The following OVCH1 variants were observed in gnomAD, a reference collection of about 807,000 sequenced individuals.
OVCH1 encodes ovochymase 1.
A neutral mutation model predicts 138.4 loss-of-function variants in OVCH1; 139 were observed. The observed-to-expected ratio is 1.00, with a 90% CI of 0.87 to 1.16. The LOEUF is 1.16. Ranked by LOEUF, OVCH1 falls within the 50% of genes most tolerant of loss-of-function variation. The pLI, the probability that OVCH1 is intolerant of heterozygous loss-of-function variation, is 0.00. For synonymous variants in OVCH1, 453 were observed against 467.8 expected (o/e 0.97, Z 0.41); for missense variants, 1,367 against 1,357.9 (o/e 1.01, Z -0.11).
chr12:29,429,421 G>A (rs1340048515), intron 27 of OVCH1, among the ~76,000 whole-genome samples: 1 of 152,174 alleles, frequency 6.6e-6, no homozygotes, highest in Non-Finnish European at 1.5e-5. Context: ...AGGATCTGAT[G>A]AGAAATCACT....
exon 8 of OVCH1, chr12:29,486,255 C>A: frequency 6.2e-7 from 1 of 1,612,110 alleles, no homozygotes; most frequent in South Asian, 1.1e-5. Context: ...CATACCCTTT[C>A]CTCTCTGGCT....
chr12:29,478,768 C>T (rs1214845323), intron 9 of OVCH1, 67 bp downstream of exon 10: 1 of 1,158,710 alleles, frequency 8.6e-7, no homozygotes, highest in Non-Finnish European at 1.2e-6. Flanking sequence ...ATTTTAGATC[C>T]TTTAGCATCT....
chr12:29,490,082 A>G (rs11050256), intron 5 of OVCH1, among the ~76,000 whole-genome samples: 61,540 of 151,868 alleles, frequency 0.41, 12,745 homozygotes, highest in East Asian at 0.55. Context: ...TGATTTTTTT[A>G]AGACAAGGTG....
downstream of OVCH1, chr12:29,412,451 T>G (rs1308964866): frequency 6.6e-6 from 1 of 152,398 alleles, no homozygotes; most frequent in African/African-American, 2.4e-5. Flanking sequence ...CTGTTCCTAT[T>G]CGGCCATCTT....
At chr12:29,489,547 T>A in intron 6 of OVCH1, 73 bp downstream of exon 6, 1 of 1,444,318 alleles carries the variant, frequency 6.9e-7, no homozygotes, top group Non-Finnish European at 9.3e-7. Context: ...AACATGAGCT[T>A]CTTTTGGGGA....
exon 25 of OVCH1, chr12:29,443,471 T>G (rs1351687905): frequency 6.2e-7 from 1 of 1,607,676 alleles, no homozygotes; most frequent in South Asian, 1.1e-5. Flanking sequence ...AATGATGTGA[T>G]TTAAAGGGGC....
At chr12:29,432,729 A>G (rs12320998) in intron 27 of OVCH1, among the ~76,000 whole-genome samples, 6,591 of 152,162 alleles carry the variant, frequency 0.043, 447 homozygotes, top group African/African-American at 0.14. Context: ...AGAAAGGAAG[A>G]GAGTCAAAGA....
chr12:29,476,993 A>G, intron 12 of OVCH1, 109 bp downstream of exon 12: 2 of 1,296,884 alleles, frequency 1.5e-6, no homozygotes, highest in Non-Finnish European at 2.0e-6. Flanking sequence ...CAAATGGCTA[A>G]AAGAAGCTCC....
At chr12:29,403,059 G>A in the OVCH1 span, among the ~76,000 whole-genome samples, 3 of 152,206 alleles carry the variant, frequency 2.0e-5, no homozygotes, top group East Asian at 1.9e-4. Context: ...CATTTTGTTC[G>A]AGAGTTAAGG....
intron 25 of OVCH1, among the ~76,000 whole-genome samples, chr12:29,441,859 A>G (rs1941493572): frequency 6.6e-6 from 1 of 152,206 alleles, no homozygotes; most frequent in South Asian, 2.1e-4. Context: ...CAGCCAAAAA[A>G]CACATGAAAA....
intron 19 of OVCH1, among the ~76,000 whole-genome samples, chr12:29,460,262 T>C (rs1592066982): frequency 6.6e-6 from 1 of 152,196 alleles, no homozygotes; most frequent in Non-Finnish European, 1.5e-5. Flanking sequence ...CACCTTGTAA[T>C]GTTAGATGCT....
chr12:29,445,212 A>G (rs544648049), intron 23 of OVCH1, 66 bp downstream of exon 23: 26 of 1,454,252 alleles, frequency 1.8e-5, no homozygotes, highest in Non-Finnish European at 2.4e-5. Flanking sequence ...ATGTTTGGAA[A>G]TATTCCTAAA....
chr12:29,439,430 T>C, exon 26 of OVCH1: 1 of 1,523,080 alleles, frequency 6.6e-7, no homozygotes, highest in South Asian at 1.3e-5. Flanking sequence ...TTCCAGCGAA[T>C]GAAGCTAAGA....
In OVCH1 at chr12:29,454,924, G is replaced by GAAGCAGGACCTGTATTTGGGGAGAACAT; in HGVS notation, c.2438-19_2446dup (p.Ser816TyrfsTer15). 1 of 1,609,616 alleles carries GAAGCAGGACCTGTATTTGGGGAGAACAT rather than the reference G, an allele frequency of 6.2e-7. No individual in the cohort carries two copies. Among genetic ancestry groups the GAAGCAGGACCTGTATTTGGGGAGAACAT allele is most frequent in the South Asian group, 1.1e-5 (1 of 90,566 alleles). Reference sequence around the variant, plus strand: ...TTTGCATTTATTATTTGTCTGAAGTGAAGCAGGACCTGTATTTGGGGAGAA... The same window carrying GAAGCAGGACCTGTATTTGGGGAGAACAT: ...TTTGCATTTATTATTTGTCTGAAGTGAAGCAGGACCTGTATTTGGGGAGAACATAAGCAGGACCTGTATTTGGGGAGAA... On this transcript the variant is annotated frameshift_variant, in exon 21 of 28. Transcript: ENST00000318184. LOFTEE classifies it high-confidence loss of function.
chr12:29,404,269 G>C, the OVCH1 span, among the ~76,000 whole-genome samples: 1 of 152,182 alleles, frequency 6.6e-6, no homozygotes, highest in Non-Finnish European at 1.5e-5. Flanking sequence ...TGCTGCCTCA[G>C]CTCACAATGT....
intron 3 of OVCH1, among the ~76,000 whole-genome samples, chr12:29,421,628 C>T (rs1396829618): frequency 1.3e-5 from 2 of 152,082 alleles, no homozygotes; most frequent in Non-Finnish European, 1.5e-5. Flanking sequence ...TATCAAAACA[C>T]TTTACACTAC....
chr12:29,431,625 T>A (rs1354585335), intron 27 of OVCH1, among the ~76,000 whole-genome samples: 2 of 152,218 alleles, frequency 1.3e-5, no homozygotes, highest in Admixed American at 6.5e-5. Flanking sequence ...ATATAAATTA[T>A]AATGGCTCTA....
chr12:29,445,547 A>C, intron 22 of OVCH1, 144 bp from the exon 23 acceptor site: 1 of 843,114 alleles, frequency 1.2e-6, no homozygotes, highest in East Asian at 2.7e-5. Flanking sequence ...TCCAGAACAT[A>C]AGTGACTCAC....
chr12:29,474,824 G>T (rs1448860143), intron 14 of OVCH1, among the ~76,000 whole-genome samples: 1 of 152,044 alleles, frequency 6.6e-6, no homozygotes, highest in African/African-American at 2.4e-5. Flanking sequence ...GAATCTTTAT[G>T]TTCCAGTGGA....
Sources: allele counts gnomAD v4.1 joint callset (sites outside exome capture counted in the v4.1 genomes callset), GRCh38; gene constraint gnomAD v4.1.1; transcripts MANE v1.5; gene names NCBI Gene and HGNC (gene_info 2026-07-23, HGNC 2026-07-21).